Variants in RBFA observed in about 807,000 individuals in gnomAD.
The protein encoded by RBFA is putative ribosome-binding factor A, mitochondrial.
In RBFA, 16 loss-of-function variants were observed where a neutral mutation model predicts 27.9. That is an observed-to-expected ratio of 0.57 (90% CI 0.39 to 0.87). The LOEUF (loss-of-function observed/expected upper bound fraction) is 0.87. RBFA is among the 40% of genes least tolerant of loss of function. The probability of loss-of-function intolerance (pLI) is 0.00; values close to 1 mark genes in which losing one functional copy is unlikely to be tolerated. For missense variants in RBFA, 456 were observed against 432.1 expected, an observed-to-expected ratio of 1.06 and a Z score of -0.49; for synonymous variants, 181 against 181.0, an observed-to-expected ratio of 1.00 and a Z score of 0.00.
chr18:80,046,159 G>C lies in RBFA; in HGVS notation c.*4G>C. The C allele has an allele frequency of 6.2e-7, 1 of 1,612,718 alleles. No individual in the cohort carries two copies. Among genetic ancestry groups the C allele is most frequent in the Non-Finnish European group, 8.5e-7 (1 of 1,179,246 alleles). On this transcript the variant is annotated 3_prime_UTR_variant, in exon 7 of 7. Transcript: ENST00000306735. Reference sequence around the variant, plus strand: ...CTGCGGAGCAAGCAGGGAGTAGATGGAGAGGCTCTGCCCATCCCACATTTG... The same window carrying C: ...CTGCGGAGCAAGCAGGGAGTAGATGCAGAGGCTCTGCCCATCCCACATTTG...
intron 6 of RBFA, 130 bp downstream of exon 6, chr18:80,044,415 G>A (rs978357119): frequency 3.7e-6 from 3 of 819,378 alleles, no homozygotes; most frequent in Non-Finnish European, 6.2e-6. Context: ...CTTGCCTCCA[G>A]GGCCGGCAAT....
chr18:80,034,781 G>T lies in RBFA; in HGVS notation c.158+128G>T, dbSNP rs548109055. Reference sequence around the variant, plus strand: ...AGCTCGCCAGTTCCTGCCTCCTGGGGTCTGCAGCAGTTCTAGCTCTCACTG... The same window carrying T: ...AGCTCGCCAGTTCCTGCCTCCTGGGTTCTGCAGCAGTTCTAGCTCTCACTG... On this transcript the variant is annotated intron_variant, in intron 1 of 6. Transcript: ENST00000306735. 5.2e-6 allele frequency: 6 copies of T among 1,145,270 alleles called. No homozygotes were observed. The East Asian group carries it at 8.5e-5, about 16-fold the overall frequency. The allele number at this position is 1,145,270 out of a possible 1,614,324, so 70.9% of individuals were successfully genotyped here.
chr18:80,037,935 G>T (rs996568342), intron 3 of RBFA, among the ~76,000 whole-genome samples: 1 of 152,188 alleles, frequency 6.6e-6, no homozygotes, highest in Non-Finnish European at 1.5e-5. Flanking sequence ...TTAGTTCTGG[G>T]TTGCAGAAAT....
At chr18:80,041,122 C>T (rs1245562087) in intron 4 of RBFA, among the ~76,000 whole-genome samples, 2 of 152,210 alleles carry the variant, frequency 1.3e-5, no homozygotes, top group African/African-American at 4.8e-5. Context: ...CATTACCACA[C>T]ACGATGATGC....
rs2052065421 is a variant in RBFA at position 80,047,680 on chromosome 18, A to G, written c.*1525A>G. On this transcript the variant is annotated 3_prime_UTR_variant, in exon 7 of 7. Transcript: ENST00000306735. ...GTAAGGATAGACAAAACCCCACATG[A>G]TGGTATGAGTAGGAGAGAGAAAAAA... 6.9e-6 allele frequency among the ~76,000 whole-genome samples: 1 copy of G among 144,422 alleles called. No individual in the cohort carries two copies. The highest frequency in any genetic ancestry group is 1.5e-5 in the Non-Finnish European group (1 of 66,180). The allele number at this position is 144,422 out of a possible 152,430, so 94.7% of individuals were successfully genotyped here. A position where few individuals can be genotyped will look rare whatever the true frequency, so the allele number is the denominator to read the frequency against.
intron 4 of RBFA, among the ~76,000 whole-genome samples, chr18:80,040,239 A>ATTTTTTTTTATTTTTTTTT (rs2052007502): frequency 1.1e-5 from 1 of 91,440 alleles, no homozygotes; most frequent in African/African-American, 4.1e-5. Flanking sequence ...GGAGGCCTGA[A>ATTTTTTTTTATTTTTTTTT]TTTTTTTTTT....
intron 4 of RBFA, 126 bp downstream of exon 4, chr18:80,038,743 GC>G (rs774759641): frequency 2.0e-5 from 13 of 638,492 alleles, no homozygotes; most frequent in Non-Finnish European, 3.2e-5. Context: ...AATTTTGGAG[GC>G]ATTTTCTTGA....
intron 5 of RBFA, among the ~76,000 whole-genome samples, chr18:80,042,507 A>G (rs1395314968): frequency 6.6e-6 from 1 of 152,194 alleles, no homozygotes; most frequent in Non-Finnish European, 1.5e-5. Context: ...GCAGTGGCTC[A>G]AGCCTGTAAT....
At chr18:80,038,033 C>T (rs11081587) in intron 3 of RBFA, among the ~76,000 whole-genome samples, 83,419 of 152,024 alleles carry the variant, frequency 0.55, 23,925 homozygotes, top group East Asian at 0.77. Context: ...CACTGCAAGG[C>T]GGGAGTCCTG....
intron 1 of RBFA, 152 bp from the exon 2 acceptor site, chr18:80,036,516 C>A (rs2051979896): frequency 2.0e-6 from 1 of 498,772 alleles, no homozygotes; most frequent in Non-Finnish European, 3.6e-6. Context: ...ATGTTGTTAT[C>A]AATTAAATTC....
rs908420304 is a variant in RBFA at position 80,049,846 on chromosome 18, G to C, written c.*3691G>C. ...CACAATGCCTCTCAGCCTTGGCTGT[G>C]CATCTGAAACACCTGCTGTTTGAAG... is the stretch of plus-strand genomic sequence containing the variant. On this transcript the variant is annotated 3_prime_UTR_variant, in exon 7 of 7. Transcript: ENST00000306735. 6.6e-6 allele frequency among the ~76,000 whole-genome samples: 1 copy of C among 152,238 alleles called. No individual in the cohort carries two copies. Among genetic ancestry groups the C allele is most frequent in the Non-Finnish European group, 1.5e-5 (1 of 68,048 alleles).
Position 80,048,138 on chromosome 18 carries a change from T to C in RBFA, c.*1983T>C, listed in dbSNP as rs1275205026. The stretch of plus-strand genomic sequence containing the variant: ...GCAAGATAACTTCAGGTTACAAGGC[T>C]CTGGTACTTGACCATGATGACTCCA... On this transcript the variant is annotated 3_prime_UTR_variant, in exon 7 of 7. Transcript: ENST00000306735. 6.6e-6 allele frequency: 1 copy of C among 152,242 alleles called. No homozygotes were observed. The highest frequency in any genetic ancestry group is 1.5e-5 in the Non-Finnish European group (1 of 68,060). 9.4% of individuals were successfully genotyped at this position (152,242 alleles called of 1,614,324 possible). A position where few individuals can be genotyped will look rare whatever the true frequency, so the allele number is the denominator to read the frequency against.
At chr18:80,034,693 C>T (rs761821769) in intron 1 of RBFA, 40 bp downstream of exon 1, 1 of 1,591,602 alleles carries the variant, frequency 6.3e-7, no homozygotes, top group East Asian at 2.4e-5. Context: ...GCGGTATTCC[C>T]TAGGGGGCGG....
intron 5 of RBFA, among the ~76,000 whole-genome samples, chr18:80,042,571 C>G (rs2052023514): frequency 6.6e-6 from 1 of 152,048 alleles, no homozygotes; most frequent in Non-Finnish European, 1.5e-5. Flanking sequence ...GAGTTAGAGA[C>G]TAGCCTGGCC....
chr18:80,042,071 C>G, intron 4 of RBFA, 64 bp from the exon 5 acceptor site: 1 of 1,251,090 alleles, frequency 8.0e-7, no homozygotes, highest in Non-Finnish European at 1.1e-6. Flanking sequence ...ATGTTCAGCA[C>G]TGTCACGCCT....
chr18:80,034,879 T>C, intron 1 of RBFA: 1 of 490,802 alleles, frequency 2.0e-6, no homozygotes, highest in East Asian at 3.7e-5. Context: ...TGTGTTTATT[T>C]TGATTCTTGT....
At chr18:80,037,888 C>A (rs78639176) in intron 3 of RBFA, among the ~76,000 whole-genome samples, 11 of 145,640 alleles carry the variant, frequency 7.6e-5, no homozygotes, top group African/African-American at 1.0e-4. Context: ...GACTCCATCT[C>A]AAAAAAAAAA....
chr18:80,041,663 ACT>A (rs2052016584), intron 4 of RBFA: 1 of 150,110 alleles, frequency 6.7e-6, no homozygotes, highest in African/African-American at 2.5e-5. Flanking sequence ...ACTAAAGATG[ACT>A]CTTCTGGGCT....
rs527359692 is a variant in RBFA at position 80,040,423 on chromosome 18, T to C, written c.492-1712T>C. 9.2e-5 allele frequency among the ~76,000 whole-genome samples: 14 copies of C among 152,042 alleles called. No homozygotes were observed. In the South Asian group the frequency reaches 2.9e-3, roughly 32 times the overall value. ...GCCACCACACTTGGCTAATTTTGTA[T>C]TTTTTGTAGAGATAGGATCTCTCTA... is the stretch of plus-strand genomic sequence containing the variant. On this transcript the variant is annotated intron_variant, in intron 4 of 6. Coordinates refer to ENST00000306735, the MANE Select transcript of RBFA (RefSeq NM_024805.3).
Sources: allele counts gnomAD v4.1 joint callset (sites outside exome capture counted in the v4.1 genomes callset), GRCh38; gene constraint gnomAD v4.1.1; transcripts MANE v1.5; gene names NCBI Gene and HGNC (gene_info 2026-07-23, HGNC 2026-07-21).